SLC25A48: variants seen among roughly 807,000 people sequenced by gnomAD.
SLC25A48 encodes the protein CTC-321K16.1.
In SLC25A48, 29 loss-of-function variants were observed where a neutral mutation model predicts 32.2. The observed-to-expected ratio is 0.90, with a 90% CI of 0.67 to 1.23. The LOEUF (loss-of-function observed/expected upper bound fraction) is 1.23. Among genes scored for constraint, SLC25A48 ranks in the 50% most tolerant of loss-of-function variants. SLC25A48 has a pLI of 0.00. For missense variants in SLC25A48, 399 were observed against 422.7 expected (o/e 0.94, Z 0.49); for synonymous variants, 164 against 172.3 (o/e 0.95, Z 0.38).
chr5:135,791,877 A>G lies in SLC25A48; in HGVS notation c.-520-20646A>G, dbSNP rs551629895. Among the ~76,000 whole-genome samples, 5 of 151,726 alleles carry G rather than the reference A, an allele frequency of 3.3e-5. No homozygotes were observed. The South Asian group carries it at 1.0e-3, about 32-fold the overall frequency. On this transcript the variant is annotated intron_variant, in intron 3 of 10. Transcript: ENST00000646290. ...ATTTTCTAGAGGTTTGTTACTTTTAATGTCACAGGGTATGTACATTCTGTG... is the reference window on the plus strand; with the variant it reads ...ATTTTCTAGAGGTTTGTTACTTTTAGTGTCACAGGGTATGTACATTCTGTG...
intron 3 of SLC25A48, among the ~76,000 whole-genome samples, chr5:135,727,760 G>A (rs1223527539): frequency 6.6e-6 from 1 of 152,086 alleles, no homozygotes; most frequent in East Asian, 1.9e-4. Flanking sequence ...ATTTCATTGT[G>A]TGTCTCTCGG....
chr5:135,659,013 G>A (rs1753323737), intron 3 of SLC25A48, among the ~76,000 whole-genome samples: 1 of 152,170 alleles, frequency 6.6e-6, no homozygotes, highest in Non-Finnish European at 1.5e-5. Flanking sequence ...TGCCCTGAAG[G>A]CATTTTCCCT....
chr5:135,587,938 TAG>T (rs1261743284), intron 1 of SLC25A48, among the ~76,000 whole-genome samples: 1 of 152,058 alleles, frequency 6.6e-6, no homozygotes, highest in Non-Finnish European at 1.5e-5. Flanking sequence ...ATGTGGATGC[TAG>T]AGAGAGAGGG....
chr5:135,763,052 T>G (rs1283825590), intron 3 of SLC25A48, among the ~76,000 whole-genome samples: 1 of 151,968 alleles, frequency 6.6e-6, no homozygotes, highest in Non-Finnish European at 1.5e-5. Context: ...AGGCTGTGTG[T>G]CAGTGTGGGT....
intron 3 of SLC25A48, among the ~76,000 whole-genome samples, chr5:135,795,120 A>G (rs144932480): frequency 6.8e-4 from 103 of 151,954 alleles, no homozygotes; most frequent in African/African-American, 2.3e-3. Flanking sequence ...CTCCTGTGAT[A>G]TTGTTCCTAA....
At chr5:135,840,048 T>C (rs1054210491) in intron 1 of SLC25A48, among the ~76,000 whole-genome samples, 6 of 152,244 alleles carry the variant, frequency 3.9e-5, no homozygotes, top group Non-Finnish European at 8.8e-5. Flanking sequence ...AAAGGGCTTC[T>C]TAATCTAAGT....
At chr5:135,725,285 T>G (rs925221938) in intron 3 of SLC25A48, among the ~76,000 whole-genome samples, 7 of 152,148 alleles carry the variant, frequency 4.6e-5, no homozygotes, top group Non-Finnish European at 1.0e-4. Context: ...GCAAGATACT[T>G]CCTGAAGACA....
intron 3 of SLC25A48, among the ~76,000 whole-genome samples, chr5:135,802,547 G>A (rs1280023834): frequency 1.3e-5 from 2 of 150,458 alleles, no homozygotes; most frequent in East Asian, 2.0e-4. Flanking sequence ...GACAGTGGGG[G>A]GTACACCATG....
chr5:135,796,515 G>A (rs779300041), intron 3 of SLC25A48, among the ~76,000 whole-genome samples: 7 of 151,664 alleles, frequency 4.6e-5, no homozygotes, highest in Non-Finnish European at 8.8e-5. Context: ...TCCTGGGGGT[G>A]AGAGGATGAT....
intron 3 of SLC25A48, among the ~76,000 whole-genome samples, chr5:135,752,193 G>T (rs961228299): frequency 5.9e-5 from 9 of 152,116 alleles, no homozygotes; most frequent in Admixed American, 1.3e-4. Context: ...TCAAAATTAA[G>T]AATGGCTCTT....
At position 135,735,306 on chromosome 5, in the gene SLC25A48, C is replaced by T. The variant is rs190739136; in HGVS notation, c.-520-77217C>T. ...AACTTGAAGGTGAGGTTGATTAATT[C>T]CTGTTGTGGGGTTTGAGGGCCGGAT... is the stretch of plus-strand genomic sequence containing the variant. On this transcript the variant is annotated intron_variant, in intron 3 of 10. Coordinates refer to the SLC25A48 transcript ENST00000646290. Among the ~76,000 whole-genome samples the T allele has an allele frequency of 9.3e-4, 141 of 152,168 alleles. 2 individuals carry two copies. The highest frequency in any genetic ancestry group is 1.8e-3 in the Non-Finnish European group (121 of 68,010).
intron 3 of SLC25A48, among the ~76,000 whole-genome samples, chr5:135,765,532 G>A (rs1468899019): frequency 1.3e-5 from 2 of 149,940 alleles, no homozygotes; most frequent in Admixed American, 6.7e-5. Flanking sequence ...ATATTGCTGG[G>A]GTGTAATATA....
At chr5:135,795,216 G>A (rs1322032324) in intron 3 of SLC25A48, among the ~76,000 whole-genome samples, 1 of 151,842 alleles carries the variant, frequency 6.6e-6, no homozygotes, top group African/African-American at 2.4e-5. Context: ...ATATTTCATG[G>A]GGGAGAGGAA....
chr5:135,829,740 G>A (rs185589297), upstream of SLC25A48, among the ~76,000 whole-genome samples: 14 of 152,154 alleles, frequency 9.2e-5, no homozygotes, highest in East Asian at 2.7e-3. Context: ...TCTACTTCCC[G>A]AGTCTTGGCT....
intron 3 of SLC25A48, among the ~76,000 whole-genome samples, chr5:135,646,920 T>C (rs1009404823): frequency 1.3e-5 from 2 of 151,618 alleles, no homozygotes; most frequent in African/African-American, 4.8e-5. Flanking sequence ...TAATACTATA[T>C]TGTATACTTG....
At chr5:135,867,646 T>C (rs1375692734) in intron 4 of SLC25A48, among the ~76,000 whole-genome samples, 2 of 152,344 alleles carry the variant, frequency 1.3e-5, no homozygotes, top group Non-Finnish European at 2.9e-5. Flanking sequence ...TAGTTTTCTA[T>C]GGCTCCTACT....
intron 7 of SLC25A48, among the ~76,000 whole-genome samples, chr5:135,884,295 G>A (rs1200804060): frequency 3.9e-5 from 6 of 152,180 alleles, no homozygotes; most frequent in African/African-American, 9.7e-5. Flanking sequence ...AAAGTGTTCC[G>A]TCTCTTCGGT....
chr5:135,669,421 G>C (rs774109638), intron 3 of SLC25A48, among the ~76,000 whole-genome samples: 1 of 152,038 alleles, frequency 6.6e-6, no homozygotes. Flanking sequence ...GCACCTATCT[G>C]GGGGGAGGGA....
At chr5:135,613,042 A>T (rs1465309894) in intron 1 of SLC25A48, among the ~76,000 whole-genome samples, 1 of 152,172 alleles carries the variant, frequency 6.6e-6, no homozygotes, top group Non-Finnish European at 1.5e-5. Context: ...GTTCCTACCA[A>T]CAGTGTATGA....
Sources: allele counts gnomAD v4.1 joint callset (sites outside exome capture counted in the v4.1 genomes callset), GRCh38; gene constraint gnomAD v4.1.1; transcripts MANE v1.5; gene names NCBI Gene and HGNC (gene_info 2026-07-23, HGNC 2026-07-21).